DLGAP2: variants seen among roughly 807,000 people sequenced by gnomAD.
The protein encoded by DLGAP2 is disks large-associated protein 2.
A neutral mutation model predicts 100.3 loss-of-function variants in DLGAP2; 26 were observed. The observed-to-expected ratio is 0.26, with a 90% confidence interval of 0.19 to 0.36. DLGAP2 has a LOEUF of 0.36. Among genes scored for constraint, DLGAP2 ranks in the 10% least tolerant of loss-of-function variants. DLGAP2 has a pLI of 1.00. For missense variants in DLGAP2, 1,858 were observed against 1,453.2 expected (o/e 1.28, Z -4.53); for synonymous variants, 886 against 630.1 (o/e 1.41, Z -6.08).
At chr8:1,134,826 C>T (rs1029397042) in intron 2 of DLGAP2, among the ~76,000 whole-genome samples, 2 of 152,072 alleles carry the variant, frequency 1.3e-5, no homozygotes, top group African/African-American at 4.8e-5. Flanking sequence ...ATAATATAAA[C>T]CAGATCTCCT....
chr8:1,622,119 C>T lies in DLGAP2; in HGVS notation c.1443-4621C>T, dbSNP rs1024797557. The stretch of plus-strand genomic sequence containing the variant: ...AGGTGGAATAATACACACATGTGCA[C>T]GCACAGCACACGCACGCGTGTGCAC... On this transcript the variant is annotated intron_variant, in intron 6 of 14. Coordinates refer to ENST00000637795, the MANE Select transcript of DLGAP2 (RefSeq NM_001346810.2). The T allele has an allele frequency of 5.3e-5, 8 of 152,340 alleles. No individual in the cohort carries two copies. The East Asian group carries it at 9.7e-4, about 18-fold the overall frequency. The allele number at this position is 152,340 out of a possible 1,614,324, so 9.4% of individuals were successfully genotyped here. A position where few individuals can be genotyped will look rare whatever the true frequency, so the allele number is the denominator to read the frequency against.
rs185222686 is a variant in DLGAP2, at chr8:1,191,366, T to C, written c.74-67485T>C. ...TTTGTATTTTTGGTAGAGACGGGAT[T>C]TCACCGTGTTAGCCAGGATGGTCTT... On this transcript the variant is annotated intron_variant, in intron 2 of 14. Coordinates refer to ENST00000637795, the MANE Select transcript of DLGAP2 (RefSeq NM_001346810.2). Among the ~76,000 whole-genome samples the C allele has an allele frequency of 3.1e-3, 469 of 152,148 alleles. 3 individuals are homozygous for C. The highest frequency in any genetic ancestry group is 0.01 in the African/African-American group (422 of 41,500).
At chr8:1,522,601 C>T (rs2130424302) in intron 4 of DLGAP2, among the ~76,000 whole-genome samples, 1 of 152,338 alleles carries the variant, frequency 6.6e-6, no homozygotes, top group Non-Finnish European at 1.5e-5. Flanking sequence ...CAGGTTTCCT[C>T]ATGTGGCCAT....
At chr8:1,355,669 G>C (rs374650218) in intron 3 of DLGAP2, among the ~76,000 whole-genome samples, 1 of 152,102 alleles carries the variant, frequency 6.6e-6, no homozygotes, top group Non-Finnish European at 1.5e-5. Flanking sequence ...GGCCAAGTAC[G>C]AGTATTTTTT....
intron 3 of DLGAP2, among the ~76,000 whole-genome samples, chr8:1,312,130 C>T (rs775690368): frequency 3.9e-5 from 6 of 152,342 alleles, no homozygotes; most frequent in Non-Finnish European, 5.9e-5. Context: ...ACAGAACATT[C>T]GCCAAGATAG....
intron 3 of DLGAP2, among the ~76,000 whole-genome samples, chr8:1,379,233 C>G (rs769892816): frequency 6.6e-6 from 1 of 152,264 alleles, no homozygotes; most frequent in East Asian, 1.9e-4. Context: ...TTTTAGCTCA[C>G]GTCCATGCAG....
intron 1 of DLGAP2, among the ~76,000 whole-genome samples, chr8:784,127 A>G (rs1454676101): frequency 1.3e-5 from 2 of 152,248 alleles, no homozygotes; most frequent in South Asian, 2.1e-4. Context: ...ATATTTATCC[A>G]TGAATATATT....
intron 8 of DLGAP2, among the ~76,000 whole-genome samples, chr8:1,667,650 G>A (rs1046144259): frequency 1.3e-5 from 2 of 152,208 alleles, no homozygotes; most frequent in East Asian, 1.9e-4. Flanking sequence ...CAACAGCCGC[G>A]ATTAACATCT....
At chr8:1,232,351 C>G (rs1227231963) in intron 2 of DLGAP2, among the ~76,000 whole-genome samples, 2 of 152,200 alleles carry the variant, frequency 1.3e-5, no homozygotes. Context: ...GAAGAGCCCA[C>G]TTTTTGGGGC....
intron 2 of DLGAP2, among the ~76,000 whole-genome samples, chr8:1,163,420 G>A (rs540287614): frequency 1.7e-4 from 26 of 152,338 alleles, no homozygotes; most frequent in African/African-American, 6.0e-4. Flanking sequence ...TGGGCGAGGG[G>A]AGGCCTGTGT....
intron 3 of DLGAP2, among the ~76,000 whole-genome samples, chr8:1,275,884 A>ATATAATATATAAATAT (rs1563056376): frequency 1.1e-4 from 4 of 37,528 alleles, no homozygotes; most frequent in Non-Finnish European, 2.0e-4. Context: ...TATATAAATA[A>ATATAATATATAAATAT]ATATATAATA....
chr8:1,299,484 C>G (rs564672223), intron 3 of DLGAP2, among the ~76,000 whole-genome samples: 3 of 152,158 alleles, frequency 2.0e-5, no homozygotes, highest in Non-Finnish European at 4.4e-5. Flanking sequence ...CTTAGGAATG[C>G]CAGGTTGCAT....
At chr8:1,627,034 T>TCAGCCA in intron 7 of DLGAP2, 147 bp downstream of exon 7, 1 of 949,372 alleles carries the variant, frequency 1.1e-6, no homozygotes, top group Non-Finnish European at 1.5e-6. Flanking sequence ...TCCCCTGGAA[T>TCAGCCA]TAGCTCTGGC....
At chr8:1,556,443 G>C (rs1801969161) in intron 5 of DLGAP2, among the ~76,000 whole-genome samples, 1 of 152,214 alleles carries the variant, frequency 6.6e-6, no homozygotes, top group South Asian at 2.1e-4. Flanking sequence ...GCTCCTGTGG[G>C]TGTGCAGCTG....
chr8:1,028,281 T>G (rs1252943228), intron 2 of DLGAP2, among the ~76,000 whole-genome samples: 1 of 99,870 alleles, frequency 1.0e-5, no homozygotes, highest in Non-Finnish European at 2.0e-5. Flanking sequence ...AGGTGGGGTG[T>G]CAGGCGCCCG....
chr8:826,005 G>A (rs966675406), intron 1 of DLGAP2, among the ~76,000 whole-genome samples: 2 of 148,710 alleles, frequency 1.3e-5, no homozygotes, highest in Admixed American at 6.6e-5. Context: ...CCTGGGAACC[G>A]TACTTCTTCT....
chr8:1,174,842 G>A (rs1344686939), intron 2 of DLGAP2, among the ~76,000 whole-genome samples: 2 of 152,094 alleles, frequency 1.3e-5, no homozygotes, highest in Non-Finnish European at 2.9e-5. Flanking sequence ...GCTGAGTTCT[G>A]TTTATCTATG....
intron 3 of DLGAP2, among the ~76,000 whole-genome samples, chr8:1,372,601 A>C (rs2129714609): frequency 6.6e-6 from 1 of 152,290 alleles, no homozygotes; most frequent in South Asian, 2.1e-4. Context: ...TTTGTGAAAG[A>C]GGTGCAAAGA....
intron 1 of DLGAP2, among the ~76,000 whole-genome samples, chr8:862,850 T>C (rs1035629256): frequency 6.6e-6 from 1 of 152,234 alleles, no homozygotes; most frequent in Non-Finnish European, 1.5e-5. Context: ...GGGAGGTCTC[T>C]GATCATGATG....
Sources: gnomAD v4.1 joint callset for allele counts (sites outside exome capture counted in the v4.1 genomes callset) on GRCh38, gnomAD v4.1.1 for gene constraint, MANE v1.5 for transcripts, NCBI Gene and HGNC (gene_info 2026-07-23, HGNC 2026-07-21) for gene names.